ATP11C: variants seen among roughly 807,000 people sequenced by gnomAD.
ATP11C encodes ATPase phospholipid transporting 11C (ATP11C blood group).
In ATP11C, 36 loss-of-function variants were observed where a neutral mutation model predicts 97.4. That is an observed-to-expected ratio of 0.37 (90% CI 0.28 to 0.49). ATP11C has a LOEUF of 0.49. ATP11C is among the 20% of genes least tolerant of loss of function. The pLI is 0.98. For synonymous variants in ATP11C, 275 were observed against 290.9 expected (o/e 0.95, Z 0.56); for missense variants, 730 against 824.6 (o/e 0.89, Z 1.40).
chrX:139,812,799 C>CGT, intron 5 of ATP11C, among the ~76,000 whole-genome samples: 1 of 111,815 alleles, frequency 8.9e-6, no homozygotes, highest in Non-Finnish European at 1.9e-5. Flanking sequence ...GGATTACAGG[C>CGT]GTAAGCCACT....
intron 19 of ATP11C, among the ~76,000 whole-genome samples, chrX:139,773,456 C>T (rs2082294118): frequency 9.0e-6 from 1 of 111,305 alleles, no homozygotes; most frequent in Non-Finnish European, 1.9e-5. Context: ...GCTGGCACTC[C>T]AATCACAGAA....
At chrX:139,882,709 C>G (rs1026079567) in intron 1 of ATP11C, among the ~76,000 whole-genome samples, 5 of 111,869 alleles carry the variant, frequency 4.5e-5, no homozygotes, top group African/African-American at 6.5e-5. Context: ...TCTCAGCCCC[C>G]TCACCATTGT....
At chrX:139,736,088 C>A (rs894311401) in intron 28 of ATP11C, among the ~76,000 whole-genome samples, 2 of 111,561 alleles carry the variant, frequency 1.8e-5, no homozygotes, top group African/African-American at 6.5e-5. Context: ...CATGCTAAAC[C>A]CCTGGCAACA....
intron 1 of ATP11C, chrX:139,832,063 A>G (rs2083660759): frequency 1.1e-6 from 1 of 921,297 alleles, no homozygotes. Flanking sequence ...ATAAAAATAT[A>G]CATGCAAATA....
At chrX:139,891,866 A>AT (rs996980994) in intron 1 of ATP11C, among the ~76,000 whole-genome samples, 7 of 110,539 alleles carry the variant, frequency 6.3e-5, no homozygotes, top group Admixed American at 5.8e-4. Context: ...CCCCTAATTA[A>AT]TTTTTTTTAA....
intron 1 of ATP11C, among the ~76,000 whole-genome samples, chrX:139,842,853 C>T (rs765473709): frequency 2.7e-5 from 3 of 111,950 alleles, no homozygotes; most frequent in Non-Finnish European, 5.6e-5. Context: ...CAGTTGTATA[C>T]TGTGCTTGGT....
At chrX:139,776,243 C>T (rs960273631) in intron 18 of ATP11C, among the ~76,000 whole-genome samples, 3 of 112,013 alleles carry the variant, frequency 2.7e-5, no homozygotes, top group South Asian at 3.7e-4. Context: ...TCACCTTTTT[C>T]GCAGTGGCTC....
intron 1 of ATP11C, among the ~76,000 whole-genome samples, chrX:139,929,866 A>G (rs2085406463): frequency 9.0e-6 from 1 of 111,466 alleles, no homozygotes; most frequent in Admixed American, 9.6e-5. Flanking sequence ...TACTGATCTA[A>G]GAGATGGAAA....
upstream of ATP11C, chrX:139,933,151 G>C (rs1001053533): frequency 2.8e-5 from 3 of 108,569 alleles, no homozygotes; most frequent in Non-Finnish European, 5.7e-5. Flanking sequence ...TCCCGGGGCA[G>C]CCTGGGAGTT....
At chrX:139,828,101 C>G (rs2083569400) in intron 1 of ATP11C, among the ~76,000 whole-genome samples, 1 of 111,472 alleles carries the variant, frequency 9.0e-6, no homozygotes, top group East Asian at 2.8e-4. Flanking sequence ...CTCTGGAAAG[C>G]TACTCTGGCA....
chrX:139,883,951 T>C (rs761619968), intron 1 of ATP11C, among the ~76,000 whole-genome samples: 54 of 111,771 alleles, frequency 4.8e-4, no homozygotes, highest in African/African-American at 1.6e-3. Flanking sequence ...GTTTAACATA[T>C]TTACTTAAAG....
chrX:139,734,322 G>A (rs908168939), intron 28 of ATP11C, among the ~76,000 whole-genome samples: 1 of 111,335 alleles, frequency 9.0e-6, no homozygotes, highest in Non-Finnish European at 1.9e-5. Context: ...CTCTGAAAGA[G>A]TTCTCTACAT....
At chrX:139,832,670 G>A (rs1256949530) in intron 1 of ATP11C, among the ~76,000 whole-genome samples, 4 of 111,971 alleles carry the variant, frequency 3.6e-5, no homozygotes, top group Non-Finnish European at 7.5e-5. Flanking sequence ...AGTTTAAGAG[G>A]AAGAGACATA....
chrX:139,930,363 T>TA (rs113839593), intron 1 of ATP11C, among the ~76,000 whole-genome samples: 985 of 94,246 alleles, frequency 0.01, 6 homozygotes, highest in African/African-American at 0.029. Context: ...TTCAAATCCT[T>TA]AAAAAAAAAA....
intron 1 of ATP11C, among the ~76,000 whole-genome samples, chrX:139,895,757 A>G (rs1022215848): frequency 5.7e-4 from 64 of 111,970 alleles, no homozygotes; most frequent in African/African-American, 2.0e-3. Flanking sequence ...ACGCATCTAA[A>G]CACAGTGAGA....
chrX:139,760,033 G>A (rs1434447780), intron 22 of ATP11C, among the ~76,000 whole-genome samples: 2 of 111,716 alleles, frequency 1.8e-5, no homozygotes, highest in Admixed American at 1.9e-4. Context: ...TCCATGAGCT[G>A]CTGTTACTGG....
chrX:139,729,058 T>G, intron 29 of ATP11C, 96 bp from the exon 30 acceptor site: 1 of 677,752 alleles, frequency 1.5e-6, no homozygotes, highest in Non-Finnish European at 2.2e-6. Context: ...AATTTTGTTA[T>G]GAGAGTAAAG....
rs947948845 is a variant in ATP11C at position 139,726,907 on chromosome X, A to G, written c.*2059T>C. 2 of 111,689 alleles carry G rather than the reference A, an allele frequency of 1.8e-5. No homozygotes were observed. The highest frequency in any genetic ancestry group is 3.3e-5 in the African/African-American group (1 of 30,760). The allele number at this position is 111,689 out of a possible 1,213,427, so 9.2% of individuals were successfully genotyped here. A position where few individuals can be genotyped will look rare whatever the true frequency, so the allele number is the denominator to read the frequency against. On this transcript the variant is annotated 3_prime_UTR_variant, in exon 30 of 30. Transcript: ENST00000682941. ...GGCCAGTTTTTAGCTCTTCAGTAAAATATCTTTTAAAAAGGAAAGCCAGGT... is the reference window on the plus strand; with the variant it reads ...GGCCAGTTTTTAGCTCTTCAGTAAAGTATCTTTTAAAAAGGAAAGCCAGGT...
intron 1 of ATP11C, among the ~76,000 whole-genome samples, chrX:139,847,923 C>G (rs1042011128): frequency 2.7e-5 from 3 of 110,844 alleles, no homozygotes; most frequent in African/African-American, 9.9e-5. Context: ...TCTATTACTC[C>G]ATACTCATGG....
Sources: allele counts gnomAD v4.1 joint callset (sites outside exome capture counted in the v4.1 genomes callset), GRCh38; gene constraint gnomAD v4.1.1; transcripts MANE v1.5; gene names NCBI Gene and HGNC (gene_info 2026-07-23, HGNC 2026-07-21).